Variants in ZFAND3 observed in about 807,000 individuals in gnomAD.
The protein encoded by ZFAND3 is AN1-type zinc finger protein 3.
Under a neutral mutation model 29.6 loss-of-function variants are expected in ZFAND3, and 10 were observed. The observed-to-expected ratio is 0.34, with a 90% CI of 0.21 to 0.57. The LOEUF is 0.57. Among genes scored for constraint, ZFAND3 ranks in the 20% least tolerant of loss-of-function variants. The pLI is 0.86. For synonymous variants in ZFAND3, 128 were observed against 112.6 expected (o/e 1.14, Z -0.87); for missense variants, 230 against 304.5 (o/e 0.76, Z 1.82).
chr6:37,882,362 C>T (rs985947913), intron 1 of ZFAND3, among the ~76,000 whole-genome samples: 19 of 151,920 alleles, frequency 1.3e-4, no homozygotes, highest in African/African-American at 4.6e-4. Flanking sequence ...GATATAGCCG[C>T]CCCCCCAATT....
intron 2 of ZFAND3, among the ~76,000 whole-genome samples, chr6:37,960,677 T>G (rs772677827): frequency 6.6e-6 from 1 of 152,218 alleles, no homozygotes; most frequent in Non-Finnish European, 1.5e-5. Context: ...GTTCATTCAT[T>G]CTAGGTATAG....
intron 2 of ZFAND3, among the ~76,000 whole-genome samples, chr6:37,961,308 G>A (rs1762191805): frequency 1.3e-5 from 2 of 152,224 alleles, no homozygotes; most frequent in Admixed American, 6.5e-5. Flanking sequence ...ACTGTGTCTT[G>A]TGGTTTGGTT....
Position 38,103,422 on chromosome 6 carries a change from C to CACACATATATATACACGTGTATATATAT in ZFAND3, c.362-13144_362-13117dup, listed in dbSNP as rs1562000226. ...ATATATACACACACACGTATATACA[C>CACACATATATATACACGTGTATATATAT]ACACATATATATACACGTGTATATA... On this transcript the variant is annotated intron_variant, in intron 4 of 5. Coordinates refer to ENST00000287218, the MANE Select transcript of ZFAND3 (RefSeq NM_021943.3). 2.1e-5 allele frequency among the ~76,000 whole-genome samples: 3 copies of CACACATATATATACACGTGTATATATAT among 139,654 alleles called. No homozygotes were observed. The South Asian group carries it at 6.5e-4, about 30-fold the overall frequency. 91.6% of individuals were successfully genotyped at this position (139,654 alleles called of 152,430 possible). A position where few individuals can be genotyped will look rare whatever the true frequency, so the allele number is the denominator to read the frequency against.
chr6:38,070,845 G>GT (rs546228966), intron 3 of ZFAND3, among the ~76,000 whole-genome samples: 1 of 151,850 alleles, frequency 6.6e-6, no homozygotes, highest in Non-Finnish European at 1.5e-5. Flanking sequence ...TATTAGGTGG[G>GT]TTTTTTCTTT....
intron 2 of ZFAND3, among the ~76,000 whole-genome samples, chr6:38,004,250 A>G (rs902517134): frequency 8.5e-5 from 13 of 152,116 alleles, no homozygotes; most frequent in Non-Finnish European, 2.9e-5. Flanking sequence ...ACTCTTGTGT[A>G]TTTTGAAGGT....
intron 1 of ZFAND3, among the ~76,000 whole-genome samples, chr6:37,880,648 A>G (rs1764875283): frequency 2.0e-5 from 3 of 152,178 alleles, no homozygotes; most frequent in African/African-American, 7.2e-5. Context: ...GTACTTTACA[A>G]AACATCTTTC....
In ZFAND3 at chr6:38,061,608, A is replaced by T. The variant is rs766867477; in HGVS notation, c.128A>T (p.Gln43Leu). 3.1e-6 allele frequency: 5 copies of T among 1,614,212 alleles called. No homozygotes were observed. Among genetic ancestry groups the T allele is most frequent in the East Asian group, 2.2e-5 (1 of 44,884 alleles). ...SKCFADFQKK[Q>L]PDDDSAPSTS... ...TTTTCTTCAGATTTTCAAAAGAAAC[A>T]GCCAGACGATGATTCCGCTCCAAGT... The change falls in exon 3 of 6, where the codon CAG becomes CTG. Residue 43 changes from glutamine to leucine, a missense_variant. By Grantham distance (113) the Gln-to-Leu change is moderately radical. Transcript: ENST00000287218.
intron 1 of ZFAND3, among the ~76,000 whole-genome samples, chr6:37,927,006 T>G (rs1021303363): frequency 2.6e-5 from 4 of 152,226 alleles, no homozygotes; most frequent in African/African-American, 9.7e-5. Context: ...CAAAGTCTGG[T>G]TTATTTTAGA....
At chr6:37,894,712 C>T (rs915472139) in intron 1 of ZFAND3, among the ~76,000 whole-genome samples, 2 of 152,034 alleles carry the variant, frequency 1.3e-5, no homozygotes, top group Admixed American at 6.6e-5. Context: ...TGAGGAATTC[C>T]TTTAGCTTTT....
intron 1 of ZFAND3, among the ~76,000 whole-genome samples, chr6:37,822,917 C>G (rs778685725): frequency 6.6e-6 from 1 of 152,022 alleles, no homozygotes; most frequent in Non-Finnish European, 1.5e-5. Context: ...GAAGGGTGAT[C>G]ACAATCTAGA....
At chr6:38,094,780 TGTTA>T (rs1561996854) in intron 4 of ZFAND3, among the ~76,000 whole-genome samples, 3 of 152,212 alleles carry the variant, frequency 2.0e-5, no homozygotes, top group African/African-American at 7.2e-5. Context: ...ATGTCATGGT[TGTTA>T]GTTAATACAG....
chr6:37,966,340 T>C (rs1049736183), intron 2 of ZFAND3, among the ~76,000 whole-genome samples: 7 of 152,194 alleles, frequency 4.6e-5, no homozygotes, highest in African/African-American at 1.7e-4. Flanking sequence ...CCAGATTTTA[T>C]TTTCAGAGAA....
intron 2 of ZFAND3, among the ~76,000 whole-genome samples, chr6:38,033,444 T>C (rs1763599535): frequency 1.3e-5 from 2 of 152,186 alleles, no homozygotes; most frequent in African/African-American, 4.8e-5. Flanking sequence ...ATAGAACTTA[T>C]ATTTATTGCA....
At chr6:37,893,563 GT>G (rs1554153348) in intron 1 of ZFAND3, among the ~76,000 whole-genome samples, 3 of 140,930 alleles carry the variant, frequency 2.1e-5, no homozygotes, top group African/African-American at 5.1e-5. Context: ...TTGTTTGTTT[GT>G]TTTTTTGAAG....
At chr6:37,868,847 T>C (rs1328584048) in intron 1 of ZFAND3, among the ~76,000 whole-genome samples, 1 of 152,236 alleles carries the variant, frequency 6.6e-6, no homozygotes, top group African/African-American at 2.4e-5. Flanking sequence ...GTGTTATGCT[T>C]GCCTCAAAAT....
At chr6:37,914,994 T>C (rs1219383135) in intron 1 of ZFAND3, among the ~76,000 whole-genome samples, 1 of 152,236 alleles carries the variant, frequency 6.6e-6, no homozygotes, top group African/African-American at 2.4e-5. Context: ...AGTATAAGAC[T>C]GTTTCATTGG....
intron 5 of ZFAND3, among the ~76,000 whole-genome samples, chr6:38,123,914 C>T (rs1319897835): frequency 6.6e-6 from 1 of 152,028 alleles, no homozygotes; most frequent in African/African-American, 2.4e-5. Context: ...TTGCAAAGAG[C>T]GAAAGAACAA....
At chr6:37,853,336 A>G (rs1267410454) in intron 1 of ZFAND3, among the ~76,000 whole-genome samples, 2 of 150,812 alleles carry the variant, frequency 1.3e-5, no homozygotes, top group Non-Finnish European at 2.9e-5. Flanking sequence ...AGGAGCACAA[A>G]CTTAGAGGGG....
At chr6:38,136,803 C>G (rs1765850243) in intron 5 of ZFAND3, among the ~76,000 whole-genome samples, 1 of 152,186 alleles carries the variant, frequency 6.6e-6, no homozygotes, top group African/African-American at 2.4e-5. Flanking sequence ...AGTCAGCGCA[C>G]CGTGTAGTTT....
Sources: allele counts gnomAD v4.1 joint callset (sites outside exome capture counted in the v4.1 genomes callset), GRCh38; gene constraint gnomAD v4.1.1; transcripts MANE v1.5; gene names NCBI Gene and HGNC (gene_info 2026-07-23, HGNC 2026-07-21).